FOXN3: variants seen among roughly 807,000 people sequenced by gnomAD.
The protein encoded by FOXN3 is forkhead box N3, also known as forkhead box protein N3.
Under a neutral mutation model 38.4 loss-of-function variants are expected in FOXN3, and 7 were observed. The ratio of observed to expected loss-of-function variants is 0.18; its 90% CI spans 0.10 to 0.34. FOXN3 has a LOEUF of 0.34. Among genes scored for constraint, FOXN3 ranks in the 10% least tolerant of loss-of-function variants. The probability of loss-of-function intolerance (pLI) is 1.00; values close to 1 mark genes in which losing one functional copy is unlikely to be tolerated. For missense variants in FOXN3, 456 were observed against 613.4 expected, an observed-to-expected ratio of 0.74 and a Z score of 2.71; for synonymous variants, 230 against 242.2, an observed-to-expected ratio of 0.95 and a Z score of 0.47.
intron 1 of FOXN3, among the ~76,000 whole-genome samples, chr14:89,415,056 CTTCT>C (rs1317648142): frequency 6.6e-6 from 1 of 152,186 alleles, no homozygotes; most frequent in Non-Finnish European, 1.5e-5. Flanking sequence ...CTGCTTTTAA[CTTCT>C]TTATGAACGA....
chr14:89,466,952 G>C (rs891435269), intron 1 of FOXN3, among the ~76,000 whole-genome samples: 1 of 152,242 alleles, frequency 6.6e-6, no homozygotes, highest in Admixed American at 6.5e-5. Context: ...AAAAACAGTA[G>C]CTACAGTGTC....
At chr14:89,328,403 A>T (rs1888137595) in intron 3 of FOXN3, among the ~76,000 whole-genome samples, 1 of 152,194 alleles carries the variant, frequency 6.6e-6, no homozygotes, top group Non-Finnish European at 1.5e-5. Flanking sequence ...ATGGGTGAAG[A>T]GACATTCCCA....
chr14:89,271,975 A>G (rs1886161536), intron 4 of FOXN3, among the ~76,000 whole-genome samples: 1 of 152,210 alleles, frequency 6.6e-6, no homozygotes, highest in African/African-American at 2.4e-5. Context: ...TCCCATCTAC[A>G]AAATGGTAGT....
intron 3 of FOXN3, among the ~76,000 whole-genome samples, chr14:89,293,616 C>G (rs904312382): frequency 3.9e-5 from 6 of 152,170 alleles, no homozygotes; most frequent in African/African-American, 1.4e-4. Flanking sequence ...GTCGAGGGTG[C>G]ACCCCACTCC....
At chr14:89,536,881 A>T (rs1175962776) in intron 1 of FOXN3, among the ~76,000 whole-genome samples, 2 of 152,214 alleles carry the variant, frequency 1.3e-5, no homozygotes, top group Non-Finnish European at 2.9e-5. Flanking sequence ...TCTCTGTTTA[A>T]AATCATCAGT....
rs1232821837 is a variant in FOXN3, at chr14:89,616,545, CA to C, written c.-15+2482del. Among the ~76,000 whole-genome samples, 9 of 146,856 alleles carry C rather than the reference CA, an allele frequency of 6.1e-5. No homozygotes were observed. The East Asian group carries it at 1.8e-3, about 30-fold the overall frequency. ...AACCCCACCCCCACCACCCCACACA[CA>C]AACGCAGCCTTCAAAATGCCACCAG... On this transcript the variant is annotated intron_variant, in intron 1 of 6. Transcript: ENST00000345097.
chr14:89,461,191 G>C (rs1205725902), intron 1 of FOXN3, among the ~76,000 whole-genome samples: 1 of 151,640 alleles, frequency 6.6e-6, no homozygotes, highest in Admixed American at 6.6e-5. Flanking sequence ...CAAAAAATTA[G>C]CTAGGCATAG....
chr14:89,204,138 CTCTT>C (rs1484746997), intron 4 of FOXN3, among the ~76,000 whole-genome samples: 5 of 151,974 alleles, frequency 3.3e-5, no homozygotes, highest in African/African-American at 2.4e-5. Flanking sequence ...AGCGATCTCT[CTCTT>C]TCTCCCTTAG....
intron 5 of FOXN3, among the ~76,000 whole-genome samples, chr14:89,180,499 C>T (rs1887637780): frequency 6.6e-6 from 1 of 152,210 alleles, no homozygotes; most frequent in Non-Finnish European, 1.5e-5. Flanking sequence ...AGACCAGGAT[C>T]ATCTGGTGGC....
chr14:89,353,923 G>C (rs920795839), intron 2 of FOXN3: 1 of 151,878 alleles, frequency 6.6e-6, no homozygotes, highest in African/African-American at 2.4e-5. Flanking sequence ...AAAGAGATGG[G>C]GTTTCACCAT....
intron 1 of FOXN3, among the ~76,000 whole-genome samples, chr14:89,452,628 G>C (rs1039656758): frequency 1.3e-5 from 2 of 152,314 alleles, no homozygotes; most frequent in South Asian, 2.1e-4. Context: ...CCCATAGTAA[G>C]ATGGGCCTTG....
chr14:89,245,543 A>G (rs7153437), intron 4 of FOXN3, among the ~76,000 whole-genome samples: 121,261 of 151,816 alleles, frequency 0.8, 48,468 homozygotes, highest in Non-Finnish European at 0.82. Flanking sequence ...TATTTCTTGT[A>G]GGATACTTCT....
At chr14:89,499,223 C>G (rs1893747305) in intron 1 of FOXN3, among the ~76,000 whole-genome samples, 1 of 152,082 alleles carries the variant, frequency 6.6e-6, no homozygotes, top group Admixed American at 6.6e-5. Context: ...CCACAGTTCC[C>G]TCCTGTTTTG....
chr14:89,363,965 T>TATAATATATATATATATATATATATATA (rs1890017768), intron 2 of FOXN3, among the ~76,000 whole-genome samples: 1 of 39,598 alleles, frequency 2.5e-5, no homozygotes, highest in African/African-American at 9.6e-5. Context: ...TATATATATA[T>TATAATATATATATATATATATATATATA]ATATATATAT....
chr14:89,187,579 A>C (rs1887840360), intron 4 of FOXN3, among the ~76,000 whole-genome samples: 1 of 152,238 alleles, frequency 6.6e-6, no homozygotes, highest in African/African-American at 2.4e-5. Flanking sequence ...ATGACTGCCT[A>C]ATCATTCTGC....
chr14:89,471,890 C>T (rs1893102966), intron 1 of FOXN3, among the ~76,000 whole-genome samples: 1 of 152,166 alleles, frequency 6.6e-6, no homozygotes, highest in South Asian at 2.1e-4. Context: ...AGCTTCGATC[C>T]AGGAATGGGA....
intron 3 of FOXN3, among the ~76,000 whole-genome samples, chr14:89,318,413 C>T (rs866420347): frequency 6.6e-6 from 1 of 152,124 alleles, no homozygotes; most frequent in South Asian, 2.1e-4. Flanking sequence ...CCCATCTCAG[C>T]CTCCCACAGT....
Position 89,412,569 on chromosome 14 carries a change from T to C in FOXN3, c.-14-79A>G. The C allele has an allele frequency of 8.4e-7, 1 of 1,188,092 alleles. No homozygotes were observed. 73.6% of individuals were successfully genotyped at this position (1,188,092 alleles called of 1,614,324 possible). On this transcript the variant is annotated intron_variant, in intron 1 of 5. Transcript: ENST00000557258. This position sits in a 1 kb window ranked among gnomAD's most constrained non-coding sequence, Gnocchi z 4.7. Reference sequence around the variant, plus strand: ...GCAGACTGTACCCCTCTGATCCTGTTGCCTCCCTCTGCCGCCTCTATGGAA... The same window carrying C: ...GCAGACTGTACCCCTCTGATCCTGTCGCCTCCCTCTGCCGCCTCTATGGAA...
intron 1 of FOXN3, among the ~76,000 whole-genome samples, chr14:89,556,339 G>T (rs1393479316): frequency 6.6e-6 from 1 of 151,200 alleles, no homozygotes; most frequent in African/African-American, 2.4e-5. Flanking sequence ...GGAGGCGGAG[G>T]TTGCAGTGAA....
Sources: gnomAD v4.1 joint callset for allele counts (sites outside exome capture counted in the v4.1 genomes callset) on GRCh38, gnomAD v4.1.1 for gene constraint, Gnocchi (gnomAD v3.1) non-coding constraint, MANE v1.5 for transcripts, NCBI Gene and HGNC (gene_info 2026-07-23, HGNC 2026-07-21) for gene names.